TRIM66: variants seen among roughly 807,000 people sequenced by gnomAD.
The protein encoded by TRIM66 is tripartite motif containing 66, also known as tripartite motif-containing protein 66.
In TRIM66, 99 loss-of-function variants were observed where a neutral mutation model predicts 148.2. The ratio of observed to expected loss-of-function variants is 0.67; its 90% confidence interval spans 0.57 to 0.79. The LOEUF (loss-of-function observed/expected upper bound fraction) is 0.79. Among genes scored for constraint, TRIM66 ranks in the 30% least tolerant of loss-of-function variants. The pLI is 0.00. For missense variants in TRIM66, 1,666 were observed against 1,697.9 expected, an observed-to-expected ratio of 0.98 and a Z score of 0.33; for synonymous variants, 616 against 635.9, an observed-to-expected ratio of 0.97 and a Z score of 0.47.
intron 6 of TRIM66, among the ~76,000 whole-genome samples, chr11:8,660,466 A>G (rs2038169445): frequency 6.6e-6 from 1 of 152,176 alleles, no homozygotes; most frequent in Admixed American, 6.5e-5. Flanking sequence ...GGGGTCAGAA[A>G]ACCACAGACT....
At position 8,618,781 on chromosome 11, in the gene TRIM66, C is replaced by T; in HGVS notation, c.4088G>A (p.Gly1363Asp). ...TCGTCGCCGCCTCTTGGGTTGGATG[C>T]CCTCCTGCATGTAGGGAGGCCACGG... ...GFPWPPYMQE[G>D]IQPKRRRRHM... The change falls in exon 24 of 25, where the codon GGC becomes GAC. Residue 1363 changes from glycine (G) to aspartate (D), a missense_variant. Physicochemically the swap from Gly to Asp is moderately conservative, Grantham distance 94. Transcript: ENST00000646038. 6.4e-7 allele frequency: 1 copy of T among 1,550,862 alleles called. No homozygotes were observed. The highest frequency in any genetic ancestry group is 1.4e-5 in the African/African-American group (1 of 73,046).
chr11:8,659,034 CA>C (rs1188107599), intron 6 of TRIM66, among the ~76,000 whole-genome samples: 1 of 151,774 alleles, frequency 6.6e-6, no homozygotes, highest in Non-Finnish European at 1.5e-5. Flanking sequence ...AAGATCCAGT[CA>C]CACACAAGCA....
At chr11:8,625,364 G>A in intron 15 of TRIM66, 136 bp from the exon 16 acceptor site, 7 of 1,043,040 alleles carry the variant, frequency 6.7e-6, no homozygotes, top group Non-Finnish European at 9.3e-6. Context: ...GCTGGTAGCT[G>A]CCAGGAACTC....
chr11:8,653,624 C>A (rs182316835), intron 6 of TRIM66, among the ~76,000 whole-genome samples: 1 of 152,112 alleles, frequency 6.6e-6, no homozygotes, highest in Non-Finnish European at 1.5e-5. Context: ...AATCCCAGCC[C>A]AAACAGCCAA....
chr11:8,656,568 G>A (rs1276931829), intron 6 of TRIM66, among the ~76,000 whole-genome samples: 1 of 152,200 alleles, frequency 6.6e-6, no homozygotes, highest in East Asian at 1.9e-4. Flanking sequence ...TAGTCCATCT[G>A]TCACAAGTGC....
chr11:8,644,648 A>G (rs1334082443), intron 12 of TRIM66, among the ~76,000 whole-genome samples: 3 of 151,388 alleles, frequency 2.0e-5, no homozygotes, highest in Non-Finnish European at 4.4e-5. Context: ...TCTATCTTCA[A>G]CCTCTTCTCC....
At chr11:8,679,364 T>C (rs2039316212) in intron 3 of TRIM66, 1 of 152,160 alleles carries the variant, frequency 6.6e-6, no homozygotes, top group Admixed American at 6.5e-5. Flanking sequence ...AAGCCATTGA[T>C]GAGAAGAATG....
intron 4 of TRIM66, among the ~76,000 whole-genome samples, chr11:8,674,556 A>G (rs1288299474): frequency 6.6e-6 from 1 of 151,942 alleles, no homozygotes; most frequent in Admixed American, 6.6e-5. Context: ...TTTTATTTTC[A>G]TTTTTATTTT....
In TRIM66 at chr11:8,646,633, A is replaced by G. The variant is rs147042429; in HGVS notation, c.843-72T>C. Reference sequence around the variant, plus strand: ...ATATGAAGACGAAGAGACAGCAAACATAAGAACCAACTTGGAGGCTGCCTA... The same window carrying G: ...ATATGAAGACGAAGAGACAGCAAACGTAAGAACCAACTTGGAGGCTGCCTA... On this transcript the variant is annotated intron_variant, in intron 10 of 24. Transcript: ENST00000646038. The G allele has an allele frequency of 5.7e-4, 708 of 1,252,906 alleles. 1 individual carries two copies. In the African/African-American group the frequency reaches 9.4e-3, roughly 17 times the overall value. 77.6% of individuals were successfully genotyped at this position (1,252,906 alleles called of 1,614,324 possible).
chr11:8,648,794 G>C (rs1188562884), intron 8 of TRIM66, among the ~76,000 whole-genome samples: 1 of 152,228 alleles, frequency 6.6e-6, no homozygotes, highest in East Asian at 1.9e-4. Flanking sequence ...ACCTGCCAGA[G>C]GCTGAGGAAG....
chr11:8,670,007 G>GTTTTTTTTTTTTTTTTTTTTTTTTTT (rs752586311), intron 6 of TRIM66, among the ~76,000 whole-genome samples: 2 of 138,474 alleles, frequency 1.4e-5, no homozygotes, highest in African/African-American at 2.7e-5. Flanking sequence ...GTCTTGTTTT[G>GTTTTTTTTTTTTTTTTTTTTTTTTTT]TTTTTATTTA....
At chr11:8,628,636 A>AAGAGAAAG (rs2035102505) in intron 15 of TRIM66, among the ~76,000 whole-genome samples, 4 of 93,396 alleles carry the variant, frequency 4.3e-5, no homozygotes, top group Middle Eastern at 5.8e-3. Flanking sequence ...AAAAAAAAAA[A>AAGAGAAAG]AGAGAGAGAA....
Position 8,654,886 on chromosome 11 carries a change from A to C in TRIM66, c.341-2983T>G, listed in dbSNP as rs528273420. Reference sequence around the variant, plus strand: ...TTGTTTTTGTTTTTTTTTGACGTGGAGTCTTGCTCTGTCACCCAGGGTGGA... The same window carrying C: ...TTGTTTTTGTTTTTTTTTGACGTGGCGTCTTGCTCTGTCACCCAGGGTGGA... On this transcript the variant is annotated intron_variant, in intron 6 of 24. Coordinates refer to ENST00000646038, the MANE Select transcript of TRIM66 (RefSeq NM_001388022.1). Among the ~76,000 whole-genome samples, 4 of 152,036 alleles carry C rather than the reference A, an allele frequency of 2.6e-5. No homozygotes were observed. In the South Asian group the frequency reaches 6.2e-4, roughly 24 times the overall value.
chr11:8,634,267 G>A (rs1264756996), intron 15 of TRIM66, among the ~76,000 whole-genome samples: 1 of 152,196 alleles, frequency 6.6e-6, no homozygotes, highest in Admixed American at 6.5e-5. Flanking sequence ...CCAGGCTCAA[G>A]CAATTCTCAT....
chr11:8,647,188 G>T (rs2036940441), intron 10 of TRIM66, among the ~76,000 whole-genome samples: 1 of 151,818 alleles, frequency 6.6e-6, no homozygotes, highest in South Asian at 2.1e-4. Context: ...CAGTAATTAT[G>T]TACAGTTGCA....
rs1282631955 is a variant in TRIM66 at position 8,624,931 on chromosome 11, T to C, written c.2608A>G (p.Met870Val). ...PNLISDSPQAMASLASDHPQA... is the reference protein window; with the variant it reads ...PNLISDSPQAVASLASDHPQA... ...GGGTGATCACTTGCCAGGCTTGCCA[T>C]AGCCTGAGGGGAGTCACTTATCAGG... The change falls in exon 16 of 25, where the codon ATG becomes GTG. Residue 870 changes from methionine (M) to valine (V), a missense_variant. Met to Val is a conservative substitution (Grantham distance 21, BLOSUM62 1). Coordinates refer to ENST00000646038, the MANE Select transcript of TRIM66 (RefSeq NM_001388022.1). 5.2e-6 allele frequency: 8 copies of C among 1,551,552 alleles called. No homozygotes were observed. The South Asian group carries it at 7.1e-5, about 14-fold the overall frequency.
Position 8,647,951 on chromosome 11 carries a change from A to T in TRIM66, c.842+19T>A. 8 of 1,536,642 alleles carry T rather than the reference A, an allele frequency of 5.2e-6. No individual in the cohort carries two copies. The highest frequency in any genetic ancestry group is 5.3e-6 in the Non-Finnish European group (6 of 1,133,266). The stretch of plus-strand genomic sequence containing the variant: ...GAACAGAGCATTTCCAGCACTGGCA[A>T]GGCACTAGCCTGTGCTACCTGTCCT... On this transcript the variant is annotated intron_variant, in intron 10 of 24. Transcript: ENST00000646038.
At chr11:8,619,231 G>C in intron 23 of TRIM66, 152 bp downstream of exon 23, 1 of 932,174 alleles carries the variant, frequency 1.1e-6, no homozygotes, top group Non-Finnish European at 1.6e-6. Flanking sequence ...GTGTGGGAGA[G>C]AGCTTTTAAA....
rs906389780 is a variant in TRIM66, at chr11:8,649,779, C to T, written c.553G>A (p.Gly185Arg). 11 of 1,551,584 alleles carry T rather than the reference C, an allele frequency of 7.1e-6. No individual in the cohort carries two copies. The highest frequency in any genetic ancestry group is 2.0e-5 in the Admixed American group (1 of 50,988). ...TEEHRHSPVP[G>R]GPFFPRAQKG... ...TGGGCCCGAGGAAAGAATGGGCCCC[C>T]GGGGACAGGGCTGTGTCGGTGTTCC... is the stretch of plus-strand genomic sequence containing the variant. The change falls in exon 8 of 25, where the codon GGG (glycine) becomes AGG (arginine). Residue 185 changes from glycine (G) to arginine (R), a missense_variant. By Grantham distance (125) the Gly-to-Arg change is moderately radical. This residue lies in a region of TRIM66 where 1,431 missense variants were observed against 1,412.4 expected (regional missense o/e 1.01). Transcript: ENST00000646038.
Sources: gnomAD v4.1 joint callset for allele counts (sites outside exome capture counted in the v4.1 genomes callset) on GRCh38, gnomAD v4.1.1 for gene constraint, gnomAD v4.1.1 regional missense constraint, MANE v1.5 for transcripts, NCBI Gene and HGNC (gene_info 2026-07-23, HGNC 2026-07-21) for gene names.